SETBP1: variants seen among roughly 807,000 people sequenced by gnomAD.
The protein encoded by SETBP1 is SET-binding protein.
SETBP1 carries 9 observed loss-of-function variants against 101.0 expected under a neutral mutation model. The observed-to-expected ratio is 0.09, with a 90% CI of 0.05 to 0.16. The LOEUF (loss-of-function observed/expected upper bound fraction) is 0.16, where lower values mean the gene tolerates loss of function less well. Ranked by LOEUF, SETBP1 falls within the 10% of genes least tolerant of loss-of-function variation. SETBP1 has a pLI of 1.00. For missense variants in SETBP1, 1,858 were observed against 2,033.8 expected (o/e 0.91, Z 1.66); for synonymous variants, 818 against 788.5 (o/e 1.04, Z -0.63).
intron 2 of SETBP1, among the ~76,000 whole-genome samples, chr18:44,856,880 G>A (rs1265977854): frequency 1.3e-5 from 2 of 152,192 alleles, no homozygotes; most frequent in African/African-American, 2.4e-5. Context: ...CTTTCTTGAT[G>A]TTCTTCTTTC....
chr18:44,979,889 C>T (rs1457338856), intron 4 of SETBP1, among the ~76,000 whole-genome samples: 3 of 152,198 alleles, frequency 2.0e-5, no homozygotes, highest in African/African-American at 4.8e-5. Context: ...AATACATTTA[C>T]AAAAAGCAGT....
intron 2 of SETBP1, among the ~76,000 whole-genome samples, chr18:44,851,614 T>C (rs1178807450): frequency 6.6e-6 from 1 of 152,174 alleles, no homozygotes; most frequent in Non-Finnish European, 1.5e-5. Context: ...CTCTTCCTTT[T>C]CCCCTCTCTC....
At chr18:44,867,902 T>C (rs2069165022) in intron 2 of SETBP1, among the ~76,000 whole-genome samples, 2 of 152,188 alleles carry the variant, frequency 1.3e-5, no homozygotes, top group African/African-American at 2.4e-5. Flanking sequence ...TGATTTCTTC[T>C]CTTTCTTGAC....
chr18:44,824,293 C>G (rs1396554998), intron 2 of SETBP1, among the ~76,000 whole-genome samples: 1 of 152,202 alleles, frequency 6.6e-6, no homozygotes, highest in Non-Finnish European at 1.5e-5. Context: ...CACCCTGCCT[C>G]TGAGAGTTCG....
intron 2 of SETBP1, among the ~76,000 whole-genome samples, chr18:44,773,964 A>T (rs1386978485): frequency 6.6e-6 from 1 of 151,826 alleles, no homozygotes; most frequent in African/African-American, 2.4e-5. Flanking sequence ...ACATACTTCT[A>T]GTTTCCTACC....
chr18:45,021,852 A>G (rs2073076792), intron 4 of SETBP1, among the ~76,000 whole-genome samples: 1 of 151,752 alleles, frequency 6.6e-6, no homozygotes, highest in Admixed American at 6.6e-5. Context: ...TGAGCAAAAA[A>G]CATAACTTAT....
At chr18:44,691,113 C>T (rs1347919678) in intron 1 of SETBP1, among the ~76,000 whole-genome samples, 1 of 152,116 alleles carries the variant, frequency 6.6e-6, no homozygotes, top group Non-Finnish European at 1.5e-5. Flanking sequence ...GTTGGCATCA[C>T]TTTGTGTTTT....
At chr18:44,858,752 A>T (rs1012162669) in intron 2 of SETBP1, among the ~76,000 whole-genome samples, 13 of 152,170 alleles carry the variant, frequency 8.5e-5, no homozygotes, top group African/African-American at 3.1e-4. Context: ...TCTAGATCTC[A>T]TGCTGTGTTG....
chr18:45,028,338 A>G (rs1178638076), intron 4 of SETBP1, among the ~76,000 whole-genome samples: 1 of 151,856 alleles, frequency 6.6e-6, no homozygotes, highest in Admixed American at 6.6e-5. Flanking sequence ...AAGGACATGA[A>G]CTCATCATTT....
chr18:45,032,824 A>G (rs1434105320), intron 4 of SETBP1, among the ~76,000 whole-genome samples: 1 of 152,192 alleles, frequency 6.6e-6, no homozygotes, highest in Non-Finnish European at 1.5e-5. Context: ...CAAAGATGCC[A>G]TATGAATAGT....
intron 3 of SETBP1, among the ~76,000 whole-genome samples, chr18:44,875,163 C>T (rs949123920): frequency 6.6e-5 from 10 of 152,110 alleles, no homozygotes; most frequent in African/African-American, 2.2e-4. Flanking sequence ...AACAAAGTCA[C>T]CATTATCTGA....
chr18:44,856,432 G>A (rs1476432728), intron 2 of SETBP1, among the ~76,000 whole-genome samples: 1 of 152,202 alleles, frequency 6.6e-6, no homozygotes, highest in Non-Finnish European at 1.5e-5. Context: ...TGTCAAACCA[G>A]CAGGGAAGTT....
At chr18:44,822,066 T>G (rs1223521043) in intron 2 of SETBP1, among the ~76,000 whole-genome samples, 2 of 152,278 alleles carry the variant, frequency 1.3e-5, no homozygotes, top group African/African-American at 4.8e-5. Context: ...TTCCTGCTAG[T>G]GTTCAATCAG....
chr18:44,878,590 C>T (rs1251239055), intron 3 of SETBP1, among the ~76,000 whole-genome samples: 2 of 152,096 alleles, frequency 1.3e-5, no homozygotes, highest in Non-Finnish European at 2.9e-5. Context: ...ATTCACAAAC[C>T]ACCTTTAGAG....
chr18:44,977,363 A>G (rs1321516997), intron 4 of SETBP1, among the ~76,000 whole-genome samples: 1 of 152,264 alleles, frequency 6.6e-6, no homozygotes, highest in East Asian at 1.9e-4. Flanking sequence ...CTTTGGTTAT[A>G]AACCCTGGCC....
chr18:44,966,295 A>G (rs1599386179), intron 4 of SETBP1, among the ~76,000 whole-genome samples: 1 of 152,066 alleles, frequency 6.6e-6, no homozygotes, highest in African/African-American at 2.4e-5. Context: ...GTCCTGCTAA[A>G]TCTCCTCCTT....
chr18:44,775,707 A>AT (rs74569090), intron 2 of SETBP1, among the ~76,000 whole-genome samples: 4,250 of 133,354 alleles, frequency 0.032, 71 homozygotes, highest in South Asian at 0.051. Flanking sequence ...AGAGAGCACC[A>AT]TTTTTTTTTT....
intron 4 of SETBP1, among the ~76,000 whole-genome samples, chr18:44,966,436 G>A (rs139269344): frequency 1.3e-5 from 2 of 152,156 alleles, no homozygotes; most frequent in African/African-American, 4.8e-5. Context: ...TACCCATTCT[G>A]GCATCCCCTG....
intron 2 of SETBP1, among the ~76,000 whole-genome samples, chr18:44,731,614 G>A (rs2069838887): frequency 6.6e-6 from 1 of 151,728 alleles, no homozygotes. Context: ...ATTTTAGAAG[G>A]GAGGAAAATG....
Sources: allele counts gnomAD v4.1 joint callset (sites outside exome capture counted in the v4.1 genomes callset), GRCh38; gene constraint gnomAD v4.1.1; transcripts MANE v1.5; gene names NCBI Gene and HGNC (gene_info 2026-07-23, HGNC 2026-07-21).